The following RGS6 variants were observed in gnomAD, a reference collection of about 807,000 sequenced individuals.
RGS6 encodes regulator of G-protein signaling 6.
In RGS6, 30 loss-of-function variants were observed where a neutral mutation model predicts 78.5. The ratio of observed to expected loss-of-function variants is 0.38; its 90% CI spans 0.29 to 0.52. The LOEUF (loss-of-function observed/expected upper bound fraction) is 0.52. Ranked by LOEUF, RGS6 falls within the 20% of genes least tolerant of loss-of-function variation. RGS6 has a pLI of 0.85. For missense variants in RGS6, 495 were observed against 609.7 expected, an observed-to-expected ratio of 0.81 and a Z score of 1.98; for synonymous variants, 206 against 206.0, an observed-to-expected ratio of 1.00 and a Z score of 0.00.
chr14:71,942,625 T>G (rs2152962179), intron 1 of RGS6, among the ~76,000 whole-genome samples: 1 of 152,358 alleles, frequency 6.6e-6, no homozygotes, highest in Middle Eastern at 3.4e-3. Flanking sequence ...AAGGGTGTTG[T>G]TCTTTACCAC....
chr14:72,113,269 G>A (rs1233800790), intron 2 of RGS6, among the ~76,000 whole-genome samples: 2 of 152,224 alleles, frequency 1.3e-5, no homozygotes, highest in African/African-American at 4.8e-5. Flanking sequence ...CAAGGTAGGT[G>A]ACCAAGTATT....
At chr14:72,221,038 C>T (rs1168103642) in intron 2 of RGS6, among the ~76,000 whole-genome samples, 1 of 152,164 alleles carries the variant, frequency 6.6e-6, no homozygotes, top group East Asian at 1.9e-4. Flanking sequence ...AAAGACCTTG[C>T]CTAGCTTCTA....
intron 2 of RGS6, among the ~76,000 whole-genome samples, chr14:72,037,211 G>A (rs2091838167): frequency 6.6e-6 from 1 of 152,154 alleles, no homozygotes; most frequent in Admixed American, 6.5e-5. Flanking sequence ...CATAGATGGG[G>A]CCAAATAAGG....
At chr14:72,425,135 G>C (rs2094380623) in intron 3 of RGS6, among the ~76,000 whole-genome samples, 1 of 152,168 alleles carries the variant, frequency 6.6e-6, no homozygotes, top group Non-Finnish European at 1.5e-5. Flanking sequence ...TGATGGATTG[G>C]AAGGGGAAAA....
chr14:72,524,777 CAAACA>C (rs554043769), intron 15 of RGS6, among the ~76,000 whole-genome samples: 7 of 152,140 alleles, frequency 4.6e-5, no homozygotes, highest in Non-Finnish European at 1.0e-4. Flanking sequence ...ACATCATTTT[CAAACA>C]AAACAAACCA....
Position 72,384,972 on chromosome 14 carries a change from G to A in RGS6, c.184+32778G>A, listed in dbSNP as rs573561041. On this transcript the variant is annotated intron_variant, in intron 3 of 17. Transcript: ENST00000553525. ...TCACCATCTTGGCCAGGCTGGTCTC[G>A]AACTCCTGACCTCCTGATCCACCCA... Among the ~76,000 whole-genome samples the A allele has an allele frequency of 1.2e-4, 19 of 152,144 alleles. No individual in the cohort carries two copies. In the South Asian group the frequency reaches 2.5e-3, roughly 20 times the overall value.
At chr14:72,316,798 C>G (rs1040522727) in intron 2 of RGS6, among the ~76,000 whole-genome samples, 9 of 151,944 alleles carry the variant, frequency 5.9e-5, no homozygotes, top group African/African-American at 2.2e-4. Flanking sequence ...TAGCAAAATA[C>G]ATGGCCAAAT....
intron 15 of RGS6, among the ~76,000 whole-genome samples, chr14:72,528,088 G>A (rs2097140063): frequency 6.6e-6 from 1 of 152,158 alleles, no homozygotes; most frequent in African/African-American, 2.4e-5. Flanking sequence ...GAGTTCAGCT[G>A]CATGCTTGTG....
the RGS6 span, among the ~76,000 whole-genome samples, chr14:72,621,516 C>A: frequency 6.6e-6 from 1 of 152,118 alleles, no homozygotes; most frequent in African/African-American, 2.4e-5. Flanking sequence ...GCAATGAGGG[C>A]TTTTTTTGTC....
intron 2 of RGS6, among the ~76,000 whole-genome samples, chr14:72,177,755 T>G (rs2097125392): frequency 6.6e-6 from 1 of 152,222 alleles, no homozygotes; most frequent in Non-Finnish European, 1.5e-5. Flanking sequence ...CTTCTCATAA[T>G]TGCATCAATA....
chr14:71,975,427 C>T (rs181765715), intron 2 of RGS6, among the ~76,000 whole-genome samples: 30 of 150,540 alleles, frequency 2.0e-4, no homozygotes, highest in Non-Finnish European at 4.3e-4. Flanking sequence ...CTCCTTAGAG[C>T]TTATGAGACT....
intron 3 of RGS6, among the ~76,000 whole-genome samples, chr14:72,392,823 A>AG (rs1194220705): frequency 6.6e-6 from 1 of 152,116 alleles, no homozygotes; most frequent in Non-Finnish European, 1.5e-5. Flanking sequence ...TCCAGGGTCA[A>AG]GTGTGCACTT....
intron 2 of RGS6, among the ~76,000 whole-genome samples, chr14:72,145,776 C>G (rs757384479): frequency 2.0e-5 from 3 of 152,096 alleles, no homozygotes; most frequent in Non-Finnish European, 4.4e-5. Flanking sequence ...AACCACCACG[C>G]CCAGCCATGA....
intron 2 of RGS6, among the ~76,000 whole-genome samples, chr14:72,312,648 T>C (rs1162905326): frequency 6.6e-6 from 1 of 152,206 alleles, no homozygotes; most frequent in Non-Finnish European, 1.5e-5. Context: ...ATGTGAAAGT[T>C]TGCAAAATTC....
At chr14:71,954,356 T>C (rs1440447102) in intron 1 of RGS6, among the ~76,000 whole-genome samples, 3 of 152,084 alleles carry the variant, frequency 2.0e-5, no homozygotes, top group African/African-American at 7.2e-5. Flanking sequence ...GCTCTGGTTT[T>C]TTTCCTCCCT....
intron 2 of RGS6, among the ~76,000 whole-genome samples, chr14:72,007,397 C>A (rs1197558390): frequency 6.6e-6 from 1 of 152,130 alleles, no homozygotes; most frequent in Non-Finnish European, 1.5e-5. Flanking sequence ...CTTAACATCT[C>A]AGTAAACAAA....
At chr14:72,053,294 A>G (rs1194579320) in intron 2 of RGS6, among the ~76,000 whole-genome samples, 1 of 150,626 alleles carries the variant, frequency 6.6e-6, no homozygotes. Flanking sequence ...TAATTTTCGT[A>G]TTTTTAGTAG....
chr14:72,048,795 T>C (rs1306662110), intron 2 of RGS6, among the ~76,000 whole-genome samples: 1 of 152,192 alleles, frequency 6.6e-6, no homozygotes, highest in African/African-American at 2.4e-5. Context: ...CTTTTAAATT[T>C]CACTAACAGT....
At chr14:72,454,452 T>C (rs771393247) in intron 3 of RGS6, 76 bp from the exon 4 acceptor site, 132 of 1,433,552 alleles carry the variant, frequency 9.2e-5, no homozygotes, top group Non-Finnish European at 6.8e-5. Context: ...TAGGATTCTC[T>C]TAGGTAAACA....
Sources: gnomAD v4.1 joint callset for allele counts (sites outside exome capture counted in the v4.1 genomes callset) on GRCh38, gnomAD v4.1.1 for gene constraint, MANE v1.5 for transcripts, NCBI Gene and HGNC (gene_info 2026-07-23, HGNC 2026-07-21) for gene names.